MCTP1: variants seen among roughly 807,000 people sequenced by gnomAD.
The protein encoded by MCTP1 is multiple C2 and transmembrane domain-containing protein 1.
Under a neutral mutation model 120.6 loss-of-function variants are expected in MCTP1, and 69 were observed. The ratio of observed to expected loss-of-function variants is 0.57; its 90% CI spans 0.47 to 0.70. The LOEUF (loss-of-function observed/expected upper bound fraction) is 0.70, where lower values mean the gene tolerates loss of function less well. Ranked by LOEUF, MCTP1 falls within the 30% of genes least tolerant of loss-of-function variation. The pLI, the probability that MCTP1 is intolerant of heterozygous loss-of-function variation, is 0.00. For missense variants in MCTP1, 1,203 were observed against 1,248.8 expected, an observed-to-expected ratio of 0.96 and a Z score of 0.55; for synonymous variants, 529 against 493.1, an observed-to-expected ratio of 1.07 and a Z score of -0.96.
At chr5:94,726,330 G>A (rs908969729) in intron 19 of MCTP1, among the ~76,000 whole-genome samples, 1 of 152,192 alleles carries the variant, frequency 6.6e-6, no homozygotes, top group Non-Finnish European at 1.5e-5. Context: ...CTCATAAGAT[G>A]CATGCCTTTT....
intron 1 of MCTP1, among the ~76,000 whole-genome samples, chr5:95,172,141 G>A (rs1373513635): frequency 6.6e-6 from 1 of 152,210 alleles, no homozygotes. Context: ...AGGACCCTCA[G>A]CTGCAGGTCT....
chr5:95,112,397 AGCC>A (rs1757527077), intron 1 of MCTP1, among the ~76,000 whole-genome samples: 1 of 152,178 alleles, frequency 6.6e-6, no homozygotes, highest in Non-Finnish European at 1.5e-5. Context: ...GACATTTGAA[AGCC>A]AGAATATTAT....
intron 1 of MCTP1, among the ~76,000 whole-genome samples, chr5:95,080,562 T>A (rs1754667115): frequency 6.6e-6 from 1 of 152,126 alleles, no homozygotes. Flanking sequence ...CAAATTAACC[T>A]TTTCTAGCTG....
chr5:94,984,776 A>G (rs1426503756), intron 2 of MCTP1, among the ~76,000 whole-genome samples: 1 of 152,204 alleles, frequency 6.6e-6, no homozygotes, highest in Non-Finnish European at 1.5e-5. Flanking sequence ...GTATGAATAC[A>G]CTTTATATTT....
Position 95,212,832 on chromosome 5 carries a change from C to A in MCTP1, c.720+71024G>T, listed in dbSNP as rs544392857. On this transcript the variant is annotated intron_variant, in intron 1 of 22. Coordinates refer to ENST00000515393, the MANE Select transcript of MCTP1 (RefSeq NM_024717.7). ...TCAACAACCCTTCATGTTAAAAACTCTCAATAAATTAGGTATTCACGGGAC... is the reference window on the plus strand; with the variant it reads ...TCAACAACCCTTCATGTTAAAAACTATCAATAAATTAGGTATTCACGGGAC... Among the ~76,000 whole-genome samples, 369 of 152,240 alleles carry A rather than the reference C, an allele frequency of 2.4e-3. 1 individual carries two copies. The highest frequency in any genetic ancestry group is 8.7e-3 in the African/African-American group (361 of 41,546).
rs933419740 is a variant in MCTP1 at position 94,707,335 on chromosome 5, T to C, written c.*161A>G. 1 of 597,822 alleles carries C rather than the reference T, an allele frequency of 1.7e-6. No homozygotes were observed. The highest frequency in any genetic ancestry group is 3.0e-6 in the Non-Finnish European group (1 of 337,836). The allele number at this position is 597,822 out of a possible 1,614,324, so 37.0% of individuals were successfully genotyped here. A position where few individuals can be genotyped will look rare whatever the true frequency, so the allele number is the denominator to read the frequency against. ...TGAGTCTGTACAATAGAAGTATATA[T>C]TCAAAGACATATGCCTTTGTACACT... is the stretch of plus-strand genomic sequence containing the variant. On this transcript the variant is annotated 3_prime_UTR_variant, in exon 23 of 23. Transcript: ENST00000515393.
intron 21 of MCTP1, 154 bp downstream of exon 21, chr5:94,710,664 C>A: frequency 1.8e-6 from 1 of 562,992 alleles, no homozygotes; most frequent in South Asian, 2.5e-5. Flanking sequence ...AATCTTTATA[C>A]TGTTGTGATT....
intron 17 of MCTP1, among the ~76,000 whole-genome samples, chr5:94,831,414 C>T (rs188688490): frequency 2.6e-5 from 4 of 152,310 alleles, no homozygotes; most frequent in Middle Eastern, 3.4e-3. Context: ...AATTATAAAA[C>T]ACTTGTTTTG....
At chr5:95,166,244 T>C (rs1746337166) in intron 1 of MCTP1, 1 of 152,222 alleles carries the variant, frequency 6.6e-6, no homozygotes, top group Admixed American at 6.5e-5. Context: ...TCCTTTTCTC[T>C]ATACCACTCA....
intron 1 of MCTP1, among the ~76,000 whole-genome samples, chr5:95,079,266 T>C (rs901326236): frequency 1.3e-5 from 2 of 152,138 alleles, no homozygotes; most frequent in Non-Finnish European, 2.9e-5. Context: ...CACTAACATA[T>C]ACTAAGCACC....
intron 18 of MCTP1, among the ~76,000 whole-genome samples, chr5:94,797,370 A>C (rs370016121): frequency 9.2e-5 from 14 of 152,178 alleles, no homozygotes; most frequent in African/African-American, 3.1e-4. Context: ...AATTTGTCTC[A>C]AGGCAACTGA....
At position 94,847,783 on chromosome 5, in the gene MCTP1, C is replaced by A. The variant is rs891865004; in HGVS notation, c.2436+20550G>T. On this transcript the variant is annotated intron_variant, in intron 17 of 22. Coordinates refer to ENST00000515393, the MANE Select transcript of MCTP1 (RefSeq NM_024717.7). ...GTTCATCACCCCTCAGTGTCAATTC[C>A]TGTTGTGAGGATGCCCCAGATGTTT... is the stretch of plus-strand genomic sequence containing the variant. Among the ~76,000 whole-genome samples, 4 of 151,442 alleles carry A rather than the reference C, an allele frequency of 2.6e-5. No individual in the cohort carries two copies. In the East Asian group the frequency reaches 7.8e-4, roughly 29 times the overall value.
chr5:95,002,140 C>T (rs1010865730), intron 2 of MCTP1, among the ~76,000 whole-genome samples: 8 of 152,174 alleles, frequency 5.3e-5, no homozygotes, highest in East Asian at 1.9e-4. Flanking sequence ...CAAGAATTGA[C>T]GTTTGAGAAC....
intron 1 of MCTP1, among the ~76,000 whole-genome samples, chr5:95,239,828 T>C (rs1755960399): frequency 6.6e-6 from 1 of 152,198 alleles, no homozygotes; most frequent in Non-Finnish European, 1.5e-5. Flanking sequence ...ATTATACCAC[T>C]GTATCTCTCT....
intron 17 of MCTP1, among the ~76,000 whole-genome samples, chr5:94,810,856 A>G (rs1290773507): frequency 6.6e-6 from 1 of 152,130 alleles, no homozygotes; most frequent in African/African-American, 2.4e-5. Flanking sequence ...ATTGTTGATT[A>G]TTCTTTGTCT....
intron 1 of MCTP1, among the ~76,000 whole-genome samples, chr5:95,156,002 T>C (rs1219681685): frequency 6.6e-6 from 1 of 152,210 alleles, no homozygotes; most frequent in Non-Finnish European, 1.5e-5. Flanking sequence ...AGGTGGCCTC[T>C]AGGAGCTGAA....
chr5:94,847,954 A>G (rs1445298665), intron 17 of MCTP1, among the ~76,000 whole-genome samples: 1 of 152,062 alleles, frequency 6.6e-6, no homozygotes, highest in Non-Finnish European at 1.5e-5. Flanking sequence ...CATTTAGCTC[A>G]GATAAGACTG....
intron 1 of MCTP1, among the ~76,000 whole-genome samples, chr5:95,277,281 TTAG>T (rs1759929622): frequency 6.6e-6 from 1 of 152,090 alleles, no homozygotes; most frequent in Non-Finnish European, 1.5e-5. Context: ...TGGCAGCCAC[TTAG>T]TAGGTACCAC....
intron 19 of MCTP1, among the ~76,000 whole-genome samples, chr5:94,720,633 T>C (rs187808603): frequency 1.2e-4 from 18 of 152,338 alleles, no homozygotes; most frequent in Admixed American, 6.5e-4. Flanking sequence ...CATGAAAATA[T>C]TCCAGTAATG....
Sources: allele counts gnomAD v4.1 joint callset (sites outside exome capture counted in the v4.1 genomes callset), GRCh38; gene constraint gnomAD v4.1.1; transcripts MANE v1.5; gene names NCBI Gene and HGNC (gene_info 2026-07-23, HGNC 2026-07-21).